The following DNAH3 variants were observed in gnomAD, a reference collection of about 807,000 sequenced individuals.
The protein encoded by DNAH3 is axonemal beta dynein heavy chain 3.
In DNAH3, 332 loss-of-function variants were observed where a neutral mutation model predicts 432.5. The ratio of observed to expected loss-of-function variants is 0.77; its 90% CI spans 0.70 to 0.84. The LOEUF is 0.84. Among genes scored for constraint, DNAH3 ranks in the 40% least tolerant of loss-of-function variants. The pLI is 0.00. For missense variants in DNAH3, 4,861 were observed against 5,114.0 expected (o/e 0.95, Z 1.51); for synonymous variants, 1,956 against 1,900.2 (o/e 1.03, Z -0.76).
chr16:21,151,922 T>C (rs1162525898), intron 1 of DNAH3, among the ~76,000 whole-genome samples: 2 of 152,054 alleles, frequency 1.3e-5, no homozygotes, highest in African/African-American at 2.4e-5. Context: ...ATTCCCATTT[T>C]AAGGATAAGG....
chr16:20,969,826 CA>C lies in DNAH3; in HGVS notation c.8423del (p.Met2808ArgfsTer15). The C allele has an allele frequency of 3.7e-6, 6 of 1,614,188 alleles. No homozygotes were observed. Among genetic ancestry groups the C allele is most frequent in the Non-Finnish European group, 4.2e-6 (5 of 1,180,036 alleles). The stretch of plus-strand genomic sequence containing the variant: ...TGGGGTCTGGCTTCCTCTCTGGCTT[CA>C]TCCCTTTCATGATGCAGATGCTCTC... On this transcript the variant is annotated frameshift_variant, in exon 52 of 62. Coordinates refer to ENST00000261383, the Ensembl canonical transcript of DNAH3. LOFTEE classifies it high-confidence loss of function.
intron 52 of DNAH3, among the ~76,000 whole-genome samples, chr16:20,968,652 TTC>T (rs1051635237): frequency 2.0e-5 from 3 of 151,838 alleles, no homozygotes; most frequent in Admixed American, 1.3e-4. Flanking sequence ...ATCCTCCTCT[TTC>T]TCTTTCTTTG....
intron 41 of DNAH3, among the ~76,000 whole-genome samples, chr16:21,011,642 C>T (rs879842824): frequency 8.6e-5 from 13 of 151,970 alleles, no homozygotes; most frequent in Non-Finnish European, 1.6e-4. Context: ...ATTACAGGGG[C>T]GAGCCACCGT....
intron 1 of DNAH3, among the ~76,000 whole-genome samples, chr16:21,151,773 G>A (rs1431397470): frequency 1.3e-5 from 2 of 152,096 alleles, no homozygotes; most frequent in African/African-American, 4.8e-5. Context: ...AATATTAGCT[G>A]CCGCCCGAAT....
chr16:21,009,466 G>T (rs190475690), intron 41 of DNAH3, among the ~76,000 whole-genome samples: 2 of 152,134 alleles, frequency 1.3e-5, no homozygotes, highest in Non-Finnish European at 2.9e-5. Flanking sequence ...GAATAGAATC[G>T]CTTTTACAAT....
intron 52 of DNAH3, among the ~76,000 whole-genome samples, chr16:20,969,079 T>A (rs548002000): frequency 0.01 from 1,337 of 128,924 alleles, 14 homozygotes; most frequent in South Asian, 0.017. Context: ...ATCTGCTTTT[T>A]CTTTCTCTGT....
intron 51 of DNAH3, among the ~76,000 whole-genome samples, chr16:20,974,186 A>AT (rs534158317): frequency 1.3e-4 from 20 of 150,306 alleles, no homozygotes; most frequent in Middle Eastern, 3.4e-3. Context: ...CAGCTGGCTA[A>AT]TTTTTTTTTA....
chr16:21,159,262 A>C, intron 1 of DNAH3: 1 of 1,377,876 alleles, frequency 7.3e-7, no homozygotes, highest in Non-Finnish European at 1.0e-6. Context: ...TAAGTACTCG[A>C]CTCCCCTCTG....
rs1597341290 is a variant in DNAH3, at chr16:21,083,953, C to T, written c.2878-2226G>A. 3.3e-5 allele frequency among the ~76,000 whole-genome samples: 5 copies of T among 152,288 alleles called. 1 individual carries two copies. The highest frequency in any genetic ancestry group is 3.3e-4 in the Admixed American group (5 of 15,296). ...CATTTAGGGGCTCACTCCTTGGGAG[C>T]CACTGTCCTAGGGCTGTGCTCCCCG... is the stretch of plus-strand genomic sequence containing the variant. On this transcript the variant is annotated intron_variant, in intron 19 of 61. Coordinates refer to ENST00000261383, the Ensembl canonical transcript of DNAH3.
intron 15 of DNAH3, 88 bp downstream of exon 15, chr16:21,106,402 A>T: frequency 9.2e-7 from 1 of 1,082,146 alleles, no homozygotes; most frequent in Non-Finnish European, 1.3e-6. Flanking sequence ...ATATAAATAC[A>T]TATAGACTAT....
At chr16:21,085,476 C>T (rs578215296) in intron 19 of DNAH3, among the ~76,000 whole-genome samples, 146 of 145,566 alleles carry the variant, frequency 1.0e-3, no homozygotes, top group Admixed American at 1.6e-3. Flanking sequence ...TGTAGTGAGC[C>T]GAGATCATGT....
Position 21,060,246 on chromosome 16 carries a change from AC to A in DNAH3, c.3813+17del, listed in dbSNP as rs747887098. On this transcript the variant is annotated intron_variant, in intron 26 of 61. Coordinates refer to ENST00000261383, the Ensembl canonical transcript of DNAH3. ...AGTGCACTAGTGTCCTGGCATGTGTACCCCGGTTCTTGTTTACCTTGACATA... is the reference window on the plus strand; with the variant it reads ...AGTGCACTAGTGTCCTGGCATGTGTACCCGGTTCTTGTTTACCTTGACATA... The A allele has an allele frequency of 6.3e-7, 1 of 1,598,936 alleles. No individual in the cohort carries two copies. The highest frequency in any genetic ancestry group is 8.6e-7 in the Non-Finnish European group (1 of 1,166,268).
At chr16:20,944,385 G>A (rs937291728) in intron 58 of DNAH3, 111 bp downstream of exon 58, 10 of 1,288,268 alleles carry the variant, frequency 7.8e-6, no homozygotes, top group Non-Finnish European at 1.1e-5. Flanking sequence ...TGGCCAGGAG[G>A]CTGCCAGGCC....
intron 16 of DNAH3, chr16:21,103,853 G>C (rs980508887): frequency 2.0e-5 from 3 of 152,384 alleles, no homozygotes; most frequent in African/African-American, 7.3e-5. Context: ...CATGGCACTG[G>C]CCCACTTCAC....
rs777472945 is a variant in DNAH3, at chr16:21,075,556, TC to T, written c.2974del (p.Glu992SerfsTer20). 6.2e-7 allele frequency: 1 copy of T among 1,612,548 alleles called. No homozygotes were observed. Among genetic ancestry groups the T allele is most frequent in the Admixed American group, 1.7e-5 (1 of 59,964 alleles). ...CTTGCTGGCAGCTGCACCAATGGGC[TC>T]CAATCTAAAGAGAGAACACAGCAAC... On this transcript the variant is annotated frameshift_variant, in exon 21 of 62. Transcript: ENST00000261383. LOFTEE classifies it high-confidence loss of function.
chr16:21,047,342 T>G (rs1308725926), intron 31 of DNAH3, among the ~76,000 whole-genome samples: 1 of 148,976 alleles, frequency 6.7e-6, no homozygotes, highest in Non-Finnish European at 1.5e-5. Flanking sequence ...TCTTTTCACA[T>G]AGTCCCATAT....
intron 1 of DNAH3, 88 bp from the exon 3 acceptor site, chr16:21,146,176 GAA>G: frequency 1.2e-6 from 1 of 838,124 alleles, no homozygotes; most frequent in Admixed American, 2.1e-5. Context: ...AGGTCCCCAG[GAA>G]AAGTTTTAGG....
chr16:20,959,998 G>C (rs1395833549), intron 53 of DNAH3, among the ~76,000 whole-genome samples: 1 of 152,058 alleles, frequency 6.6e-6, no homozygotes, highest in Non-Finnish European at 1.5e-5. Context: ...ATAAGCATTT[G>C]TAAAGTGAAA....
intron 42 of DNAH3, among the ~76,000 whole-genome samples, chr16:21,002,110 T>A (rs2087048686): frequency 6.6e-6 from 1 of 152,170 alleles, no homozygotes; most frequent in African/African-American, 2.4e-5. Flanking sequence ...CACATACAGC[T>A]GTGGTCCTGC....
Sources: gnomAD v4.1 joint callset for allele counts (sites outside exome capture counted in the v4.1 genomes callset) on GRCh38, gnomAD v4.1.1 for gene constraint, MANE v1.5 for transcripts, NCBI Gene and HGNC (gene_info 2026-07-23, HGNC 2026-07-21) for gene names.